Variants in C19orf47 observed in about 807,000 individuals in gnomAD.
C19orf47 encodes the protein uncharacterized protein C19orf47.
C19orf47 carries 18 observed loss-of-function variants against 32.3 expected under a neutral mutation model. The ratio of observed to expected loss-of-function variants is 0.56; its 90% confidence interval spans 0.39 to 0.83. C19orf47 has a LOEUF of 0.83. C19orf47 is among the 40% of genes least tolerant of loss of function. The pLI, the probability that C19orf47 is intolerant of heterozygous loss-of-function variation, is 0.00. For missense variants in C19orf47, 484 were observed against 531.6 expected (o/e 0.91, Z 0.88); for synonymous variants, 202 against 211.1 (o/e 0.96, Z 0.37).
At chr19:40,301,897 T>C in the C19orf47 span, among the ~76,000 whole-genome samples, 73 of 150,764 alleles carry the variant, frequency 4.8e-4, no homozygotes, top group African/African-American at 1.7e-3. Flanking sequence ...CAGTGGCTCA[T>C]GCCTGTAATC....
intron 5 of C19orf47, among the ~76,000 whole-genome samples, chr19:40,330,419 G>T (rs1042741165): frequency 2.6e-5 from 4 of 151,534 alleles, no homozygotes; most frequent in Non-Finnish European, 5.9e-5. Flanking sequence ...TTTTAGTAGA[G>T]ATGGGGTTTC....
chr19:40,321,386 C>T lies in C19orf47; in HGVS notation c.*496G>A, dbSNP rs2077715035. 2 of 990,022 alleles carry T rather than the reference C, an allele frequency of 2.0e-6. No homozygotes were observed. The highest frequency in any genetic ancestry group is 1.7e-5 in the African/African-American group (1 of 57,222). 61.3% of individuals were successfully genotyped at this position (990,022 alleles called of 1,614,324 possible). A position where few individuals can be genotyped will look rare whatever the true frequency, so the allele number is the denominator to read the frequency against. ...GGACAGAAAACAGAAGAGAAATGAA[C>T]AAAGTGAAGACAGGGAGAGAGAGAA... On this transcript the variant is annotated 3_prime_UTR_variant, in exon 9 of 9. Transcript: ENST00000683109.
Position 40,322,121 on chromosome 19 carries a change from GC to G in C19orf47, c.918del (p.Lys306AsnfsTer69). The G allele has an allele frequency of 6.2e-7, 1 of 1,614,080 alleles. No homozygotes were observed. Among genetic ancestry groups the G allele is most frequent in the South Asian group, 1.1e-5 (1 of 91,088 alleles). The stretch of plus-strand genomic sequence containing the variant: ...ATGCTGACTTTAGACAAGGACTCCG[GC>G]TTCCTCTCAAGCCCAGACCGTGAGG... Reference protein sequence around the residue: ...ALSSRSGLERKPESLSKVSII... With the variant: ...ALSSRSGLERXPESLSKVSII... On this transcript the variant is annotated frameshift_variant, in exon 9 of 9. Coordinates refer to ENST00000683109, the MANE Select transcript of C19orf47 (RefSeq NM_001256441.2). LOFTEE classifies it high-confidence loss of function.
chr19:40,346,485 ATAAT>A (rs1568632123), intron 1 of C19orf47, among the ~76,000 whole-genome samples: 4 of 134,294 alleles, frequency 3.0e-5, no homozygotes, highest in Admixed American at 7.8e-5. Context: ...AAATAAATAA[ATAAT>A]AAAAATAAAA....
intron 2 of C19orf47, among the ~76,000 whole-genome samples, chr19:40,341,250 C>T (rs1290009925): frequency 6.6e-6 from 1 of 152,022 alleles, no homozygotes; most frequent in East Asian, 1.9e-4. Flanking sequence ...AGGAGAATCA[C>T]TTGAACCCGG....
At chr19:40,307,676 T>C in the C19orf47 span, among the ~76,000 whole-genome samples, 1 of 152,102 alleles carries the variant, frequency 6.6e-6, no homozygotes, top group East Asian at 1.9e-4. Flanking sequence ...AGAGATAAAA[T>C]TAGGTATCAA....
At chr19:40,343,977 G>C (rs1358113814) in intron 1 of C19orf47, among the ~76,000 whole-genome samples, 1 of 151,472 alleles carries the variant, frequency 6.6e-6, no homozygotes. Flanking sequence ...TGTATTTTTA[G>C]TACAGATGGG....
downstream of C19orf47, among the ~76,000 whole-genome samples, chr19:40,319,046 C>T (rs535275831): frequency 4.6e-5 from 7 of 151,950 alleles, no homozygotes; most frequent in Admixed American, 1.3e-4. Context: ...CTGAGGCGGG[C>T]GGATCACCTA....
chr19:40,335,607 GA>G (rs980871272), intron 4 of C19orf47, among the ~76,000 whole-genome samples: 2 of 150,064 alleles, frequency 1.3e-5, no homozygotes, highest in African/African-American at 2.4e-5. Flanking sequence ...CACCATTCAA[GA>G]TTTTTTTTTT....
At chr19:40,348,459 T>C (rs776184936), upstream of C19orf47, 4 of 1,500,588 alleles carry the variant, frequency 2.7e-6, no homozygotes, top group African/African-American at 5.8e-5. Flanking sequence ...AACTGACTCG[T>C]CCGCGGCCGC....
At chr19:40,346,014 G>A (rs925308932) in intron 1 of C19orf47, among the ~76,000 whole-genome samples, 2 of 151,660 alleles carry the variant, frequency 1.3e-5, no homozygotes, top group African/African-American at 4.8e-5. Flanking sequence ...AAATTAGCTG[G>A]GCATGGTGGC....
chr19:40,325,196 G>A (rs2077803609), intron 7 of C19orf47, among the ~76,000 whole-genome samples: 1 of 151,728 alleles, frequency 6.6e-6, no homozygotes, highest in Admixed American at 6.6e-5. Flanking sequence ...CTTGAACTCA[G>A]GAAGCGGAAG....
intron 5 of C19orf47, among the ~76,000 whole-genome samples, chr19:40,328,780 G>A (rs1051214532): frequency 8.5e-5 from 13 of 152,190 alleles, no homozygotes; most frequent in Middle Eastern, 3.4e-3. Context: ...CTTTCCTGAG[G>A]CTCTAGACCA....
chr19:40,297,238 T>G, the C19orf47 span, among the ~76,000 whole-genome samples: 2 of 152,162 alleles, frequency 1.3e-5, no homozygotes, highest in African/African-American at 4.8e-5. Context: ...CTTGCTTAGA[T>G]GATGGCTGCC....
At chr19:40,292,979 C>T in the C19orf47 span, among the ~76,000 whole-genome samples, 1 of 152,132 alleles carries the variant, frequency 6.6e-6, no homozygotes, top group African/African-American at 2.4e-5. Flanking sequence ...ATTCACCATA[C>T]ACCTCCTCCC....
chr19:40,343,998 G>A (rs1318386297), intron 1 of C19orf47, among the ~76,000 whole-genome samples: 1 of 151,450 alleles, frequency 6.6e-6, no homozygotes, highest in Non-Finnish European at 1.5e-5. Context: ...GTTTCACCAT[G>A]TTGGCCAGGC....
chr19:40,302,897 A>G, the C19orf47 span, among the ~76,000 whole-genome samples: 1 of 152,200 alleles, frequency 6.6e-6, no homozygotes, highest in African/African-American at 2.4e-5. Flanking sequence ...GAGACTTCAG[A>G]TAAATCACCA....
chr19:40,323,907 CT>C, intron 8 of C19orf47, 98 bp downstream of exon 8: 1 of 1,474,180 alleles, frequency 6.8e-7, no homozygotes, highest in Non-Finnish European at 9.5e-7. Flanking sequence ...TTAGACGGCC[CT>C]GGGCCGAGTG....
chr19:40,319,762 T>C lies in C19orf47; in HGVS notation c.*2120A>G, dbSNP rs937404690. 6.5e-6 allele frequency: 1 copy of C among 153,658 alleles called. No homozygotes were observed. The highest frequency in any genetic ancestry group is 2.4e-5 in the African/African-American group (1 of 41,488). 9.5% of individuals were successfully genotyped at this position (153,658 alleles called of 1,614,324 possible). A position where few individuals can be genotyped will look rare whatever the true frequency, so the allele number is the denominator to read the frequency against. ...CATCTTGGCCAGGCTGGTCTCGAAC[T>C]CCTGACCTTGTGATCCACCCGCCTT... On this transcript the variant is annotated 3_prime_UTR_variant, in exon 9 of 9. Transcript: ENST00000683109.
Sources: gnomAD v4.1 joint callset for allele counts (sites outside exome capture counted in the v4.1 genomes callset) on GRCh38, gnomAD v4.1.1 for gene constraint, MANE v1.5 for transcripts, NCBI Gene and HGNC (gene_info 2026-07-23, HGNC 2026-07-21) for gene names.